ADAM7: variants seen among roughly 807,000 people sequenced by gnomAD.
ADAM7 encodes ADAM metallopeptidase domain 7, also known as disintegrin and metalloproteinase domain-containing protein 7.
A neutral mutation model predicts 102.9 loss-of-function variants in ADAM7; 97 were observed. The observed-to-expected ratio is 0.94, with a 90% confidence interval of 0.80 to 1.12. The LOEUF is 1.12. Ranked by LOEUF, ADAM7 falls within the 50% of genes most tolerant of loss-of-function variation. The pLI is 0.00. For synonymous variants in ADAM7, 334 were observed against 304.4 expected (o/e 1.10, Z -1.01); for missense variants, 991 against 908.7 (o/e 1.09, Z -1.16).
chr8:24,456,480 C>T lies in ADAM7; in HGVS notation c.234-7402C>T, dbSNP rs144787090. 3.5e-3 allele frequency among the ~76,000 whole-genome samples: 532 copies of T among 152,244 alleles called. 1 individual carries two copies. Among genetic ancestry groups the T allele is most frequent in the African/African-American group, 0.011 (473 of 41,528 alleles). On this transcript the variant is annotated intron_variant, in intron 3 of 21. Transcript: ENST00000175238. ...CCACATAGTGATTCCAAATCTTTTA[C>T]GTAAACACCCACAAGTGGAATTGCT...
intron 21 of ADAM7, 109 bp downstream of exon 21, chr8:24,507,644 TC>T: frequency 2.3e-6 from 2 of 855,362 alleles, no homozygotes; most frequent in Non-Finnish European, 3.8e-6. Flanking sequence ...TCTGTACTTA[TC>T]ACAACAGATT....
intron 7 of ADAM7, among the ~76,000 whole-genome samples, chr8:24,472,138 A>C (rs1819628145): frequency 6.7e-6 from 1 of 149,272 alleles, no homozygotes; most frequent in Non-Finnish European, 1.5e-5. Context: ...AAAAAAAAAA[A>C]CAGGTTTGCC....
intron 16 of ADAM7, among the ~76,000 whole-genome samples, chr8:24,497,693 G>T (rs1204019785): frequency 6.6e-6 from 1 of 152,026 alleles, no homozygotes; most frequent in Non-Finnish European, 1.5e-5. Flanking sequence ...CTAATCTGAA[G>T]AATGTATGAA....
At chr8:24,477,569 A>AGTGTGTGAGTGTGTGTGT (rs60219377) in intron 8 of ADAM7, among the ~76,000 whole-genome samples, 30,861 of 145,334 alleles carry the variant, frequency 0.21, 3,438 homozygotes, top group Non-Finnish European at 0.25. Flanking sequence ...TACCCTCATC[A>AGTGTGTGAGTGTGTGTGT]GTGTGTGTGT....
At chr8:24,445,490 C>A (rs910196422) in intron 2 of ADAM7, among the ~76,000 whole-genome samples, 2 of 152,198 alleles carry the variant, frequency 1.3e-5, no homozygotes, top group African/African-American at 4.8e-5. Context: ...CTTGACTACT[C>A]TCTCTTACTC....
At chr8:24,507,645 CA>C in intron 21 of ADAM7, 110 bp downstream of exon 21, 3 of 109,216 alleles carry the variant, frequency 2.7e-5, no homozygotes, top group Non-Finnish European at 4.9e-5. Flanking sequence ...CTGTACTTAT[CA>C]CAACAGATTA....
intron 20 of ADAM7, among the ~76,000 whole-genome samples, chr8:24,503,683 A>C (rs956487630): frequency 2.0e-5 from 3 of 152,192 alleles, no homozygotes; most frequent in African/African-American, 7.2e-5. Context: ...ATACCATGGA[A>C]TACTATGCAG....
At chr8:24,460,117 G>A (rs1219053829) in intron 3 of ADAM7, among the ~76,000 whole-genome samples, 1 of 151,872 alleles carries the variant, frequency 6.6e-6, no homozygotes, top group African/African-American at 2.4e-5. Context: ...CCAATCATTT[G>A]TGTATTTTGC....
intron 20 of ADAM7, among the ~76,000 whole-genome samples, chr8:24,507,174 A>G (rs1563401083): frequency 1.3e-5 from 2 of 152,146 alleles, no homozygotes; most frequent in African/African-American, 4.8e-5. Flanking sequence ...TAATACTTTA[A>G]AAGTGTTTGA....
chr8:24,463,774 T>G, intron 3 of ADAM7, 108 bp from the exon 4 acceptor site: 1 of 855,294 alleles, frequency 1.2e-6, no homozygotes, highest in African/African-American at 1.7e-5. Flanking sequence ...GAAGAGGATC[T>G]TGCTGAGATT....
rs1405159349 is a variant in ADAM7 at position 24,487,167 on chromosome 8, T to C, written c.961-20T>C. The C allele has an allele frequency of 3.7e-6, 6 of 1,611,450 alleles. No individual in the cohort carries two copies. The highest frequency in any genetic ancestry group is 4.2e-6 in the Non-Finnish European group (5 of 1,178,616). On this transcript the variant is annotated intron_variant, in intron 10 of 21. Coordinates refer to ENST00000175238, the MANE Select transcript of ADAM7 (RefSeq NM_003817.4). ...TATGCTAACTTTTGAAAATTTCTAA[T>C]GCAATTGTTTTATCATCAGGATCTT...
rs1175925349 is a variant in ADAM7 at position 24,441,429 on chromosome 8, G to A, written c.52+269G>A. Among the ~76,000 whole-genome samples the A allele has an allele frequency of 2.0e-5, 3 of 152,196 alleles. No homozygotes were observed. The East Asian group carries it at 5.8e-4, about 29-fold the overall frequency. On this transcript the variant is annotated intron_variant, in intron 1 of 21. Transcript: ENST00000175238. ...GCAGGCACTGTGCTGGCCATTAGCT[G>A]CTTTGTATGTTAAAGTGTTTAAAAT...
intron 7 of ADAM7, among the ~76,000 whole-genome samples, chr8:24,474,754 G>T (rs138897804): frequency 2.0e-5 from 3 of 152,058 alleles, no homozygotes; most frequent in Non-Finnish European, 2.9e-5. Flanking sequence ...AAATAGCTGG[G>T]TGTGGTGGTG....
intron 20 of ADAM7, among the ~76,000 whole-genome samples, chr8:24,506,823 G>T (rs543698490): frequency 7.9e-5 from 12 of 151,170 alleles, no homozygotes; most frequent in African/African-American, 2.9e-4. Context: ...TCTAGGAATT[G>T]CCCAAATGAC....
At chr8:24,443,493 G>A (rs1360612474) in intron 2 of ADAM7, among the ~76,000 whole-genome samples, 2 of 152,122 alleles carry the variant, frequency 1.3e-5, no homozygotes, top group South Asian at 2.1e-4. Context: ...TTTAATATGC[G>A]ACTCTATTCT....
chr8:24,449,149 G>A (rs1291615265), intron 3 of ADAM7, among the ~76,000 whole-genome samples: 1 of 152,114 alleles, frequency 6.6e-6, no homozygotes, highest in East Asian at 1.9e-4. Context: ...ATGATTTATA[G>A]TCCTTTGGGT....
chr8:24,468,631 A>G (rs1819507480), intron 6 of ADAM7, 136 bp from the exon 7 acceptor site: 2 of 692,022 alleles, frequency 2.9e-6, no homozygotes, highest in Admixed American at 2.8e-5. Flanking sequence ...CAATTTTTAT[A>G]TATTCATATG....
At chr8:24,480,977 C>G (rs986630853) in intron 8 of ADAM7, among the ~76,000 whole-genome samples, 2 of 152,056 alleles carry the variant, frequency 1.3e-5, no homozygotes, top group African/African-American at 2.4e-5. Flanking sequence ...TGGGAGGATC[C>G]TTTGAGCGCA....
At chr8:24,489,061 C>A in intron 11 of ADAM7, 98 bp from the exon 12 acceptor site, 1 of 1,152,496 alleles carries the variant, frequency 8.7e-7, no homozygotes, top group Non-Finnish European at 1.2e-6. Flanking sequence ...TAAACATTTA[C>A]ATTTGTTCTT....
Sources: allele counts gnomAD v4.1 joint callset (sites outside exome capture counted in the v4.1 genomes callset), GRCh38; gene constraint gnomAD v4.1.1; transcripts MANE v1.5; gene names NCBI Gene and HGNC (gene_info 2026-07-23, HGNC 2026-07-21).